ERC2: variants seen among roughly 807,000 people sequenced by gnomAD.
ERC2 encodes ELKS/RAB6-interacting/CAST family member 2.
A neutral mutation model predicts 114.8 loss-of-function variants in ERC2; 42 were observed. That is an observed-to-expected ratio of 0.37 (90% CI 0.29 to 0.47). ERC2 has a LOEUF of 0.47. ERC2 is among the 20% of genes least tolerant of loss of function. The pLI is 0.99. For missense variants in ERC2, 939 were observed against 1,150.7 expected (o/e 0.82, Z 2.66); for synonymous variants, 454 against 425.5 (o/e 1.07, Z -0.82).
intron 13 of ERC2, among the ~76,000 whole-genome samples, chr3:55,925,577 T>A (rs1024866145): frequency 6.6e-6 from 1 of 152,176 alleles, no homozygotes; most frequent in African/African-American, 2.4e-5. Flanking sequence ...ACTGGGCAGA[T>A]GCCTGGACCA....
intron 17 of ERC2, among the ~76,000 whole-genome samples, chr3:55,643,571 T>C (rs2060274053): frequency 6.6e-6 from 1 of 152,228 alleles, no homozygotes; most frequent in Non-Finnish European, 1.5e-5. Context: ...TTTCCTCGTC[T>C]GTAAGATGGA....
intron 14 of ERC2, among the ~76,000 whole-genome samples, chr3:55,817,919 G>A (rs1165459349): frequency 6.6e-6 from 1 of 152,202 alleles, no homozygotes; most frequent in Non-Finnish European, 1.5e-5. Context: ...GCAGCTCCAG[G>A]TGAGTTAAAG....
intron 1 of ERC2, among the ~76,000 whole-genome samples, chr3:56,455,963 C>T (rs912899954): frequency 6.6e-6 from 1 of 151,938 alleles, no homozygotes; most frequent in Non-Finnish European, 1.5e-5. Flanking sequence ...AGCAAGAAGA[C>T]CCCCCCAGGA....
At chr3:56,245,021 A>G (rs2051585281) in intron 3 of ERC2, among the ~76,000 whole-genome samples, 1 of 152,198 alleles carries the variant, frequency 6.6e-6, no homozygotes, top group Non-Finnish European at 1.5e-5. Flanking sequence ...GCCTAGAAGC[A>G]TATCACATAG....
rs747931095 is a variant in ERC2 at position 56,434,774 on chromosome 3, G to A, written c.234C>T (p.Gly78=). The A allele has an allele frequency of 4.3e-6, 7 of 1,613,978 alleles. No homozygotes were observed. Among genetic ancestry groups the A allele is most frequent in the African/African-American group, 1.3e-5 (1 of 75,034 alleles). The change falls in exon 2 of 18, where the codon GGC becomes GGT. Residue 78 remains glycine (G), a synonymous_variant. Coordinates refer to ENST00000288221, the MANE Select transcript of ERC2 (RefSeq NM_015576.3). The part of the protein sequence containing the change: ...EGVASTTYPK[G]TMTLGRATNR... ...TTGTAGCCCTTCCCAGAGTCATAGT[G>A]CCCTTTGGGTAGGTTGTTGAAGCCA...
chr3:55,637,168 C>T (rs2148644100), intron 17 of ERC2, among the ~76,000 whole-genome samples: 1 of 152,346 alleles, frequency 6.6e-6, no homozygotes, highest in Non-Finnish European at 1.5e-5. Context: ...GAATGCTCCC[C>T]TTCTTTTCTT....
intron 14 of ERC2, among the ~76,000 whole-genome samples, chr3:55,770,413 C>G (rs1239854262): frequency 6.6e-6 from 1 of 152,146 alleles, no homozygotes; most frequent in African/African-American, 2.4e-5. Flanking sequence ...CAGTTTGAGG[C>G]TTTCTCTAAC....
chr3:56,322,179 G>A (rs2057158475), intron 2 of ERC2, among the ~76,000 whole-genome samples: 1 of 152,194 alleles, frequency 6.6e-6, no homozygotes, highest in African/African-American at 2.4e-5. Context: ...TGTATAAACT[G>A]TTTCAGACAG....
chr3:55,635,033 C>A (rs532566794), intron 17 of ERC2, among the ~76,000 whole-genome samples: 1 of 152,098 alleles, frequency 6.6e-6, no homozygotes, highest in African/African-American at 2.4e-5. Context: ...AGGTGCATGC[C>A]ACCACACCCA....
At chr3:55,690,943 T>C (rs2062608972) in intron 16 of ERC2, among the ~76,000 whole-genome samples, 1 of 152,216 alleles carries the variant, frequency 6.6e-6, no homozygotes, top group Admixed American at 6.5e-5. Context: ...CTGTAGCTCT[T>C]AATGGTTGGG....
chr3:55,786,182 T>A (rs1372336923), intron 14 of ERC2, among the ~76,000 whole-genome samples: 2 of 152,190 alleles, frequency 1.3e-5, no homozygotes, highest in Non-Finnish European at 2.9e-5. Context: ...ATGAGCCAAG[T>A]CCTGTCCTTC....
At chr3:55,718,586 G>A (rs1184142497) in intron 15 of ERC2, among the ~76,000 whole-genome samples, 1 of 152,206 alleles carries the variant, frequency 6.6e-6, no homozygotes, top group Non-Finnish European at 1.5e-5. Flanking sequence ...ACCTGGTAAA[G>A]GAATGTGGAA....
chr3:56,215,085 T>C (rs186058860), intron 3 of ERC2, among the ~76,000 whole-genome samples: 155 of 152,240 alleles, frequency 1.0e-3, no homozygotes, highest in African/African-American at 3.4e-3. Flanking sequence ...CTGCATCAAC[T>C]AACGAGCAAA....
chr3:56,351,448 G>C (rs1314962283), intron 2 of ERC2, among the ~76,000 whole-genome samples: 1 of 152,092 alleles, frequency 6.6e-6, no homozygotes, highest in Non-Finnish European at 1.5e-5. Flanking sequence ...CCCATGAAAA[G>C]TTTAAGCTTG....
intron 6 of ERC2, among the ~76,000 whole-genome samples, chr3:56,085,135 C>T (rs377577601): frequency 1.2e-4 from 18 of 152,156 alleles, no homozygotes; most frequent in Non-Finnish European, 2.2e-4. Context: ...TGGTAGAATG[C>T]GTCAGGGAAG....
chr3:55,652,140 A>G (rs1164853311), intron 17 of ERC2, among the ~76,000 whole-genome samples: 3 of 152,154 alleles, frequency 2.0e-5, no homozygotes, highest in African/African-American at 4.8e-5. Flanking sequence ...TTTGTGTGAC[A>G]GCTTAAATGT....
At chr3:55,954,218 A>C (rs996537072) in intron 12 of ERC2, among the ~76,000 whole-genome samples, 3 of 151,762 alleles carry the variant, frequency 2.0e-5, no homozygotes, top group Admixed American at 2.0e-4. Context: ...TAAAAGAAGT[A>C]TTTGGAAAAT....
chr3:56,401,773 C>T (rs1235916918), intron 2 of ERC2, among the ~76,000 whole-genome samples: 7 of 152,176 alleles, frequency 4.6e-5, no homozygotes. Flanking sequence ...TAGACTGCAA[C>T]TTTTATTGAA....
At chr3:55,719,964 T>C (rs1016155879) in intron 15 of ERC2, among the ~76,000 whole-genome samples, 11 of 148,108 alleles carry the variant, frequency 7.4e-5, no homozygotes, top group Non-Finnish European at 7.5e-5. Flanking sequence ...CTTTCTTTCC[T>C]TCTCTCCCTC....
Sources: gnomAD v4.1 joint callset for allele counts (sites outside exome capture counted in the v4.1 genomes callset) on GRCh38, gnomAD v4.1.1 for gene constraint, MANE v1.5 for transcripts, NCBI Gene and HGNC (gene_info 2026-07-23, HGNC 2026-07-21) for gene names.